NUCB2: variants seen among roughly 807,000 people sequenced by gnomAD.
NUCB2 encodes nucleobindin-2.
NUCB2 carries 48 observed loss-of-function variants against 57.9 expected under a neutral mutation model. The ratio of observed to expected loss-of-function variants is 0.83; its 90% CI spans 0.66 to 1.05. The LOEUF is 1.05. NUCB2 is among the 50% of genes least tolerant of loss of function. The pLI, the probability that NUCB2 is intolerant of heterozygous loss-of-function variation, is 0.00. For missense variants in NUCB2, 442 were observed against 476.2 expected (o/e 0.93, Z 0.67); for synonymous variants, 139 against 152.1 (o/e 0.91, Z 0.64).
chr11:17,342,822 A>G lies in NUCB2; in HGVS notation n.2626+5288A>G, dbSNP rs1320965383. ...GGGGTGGAGAGTTCTGTAGATGTCT[A>G]TTAGGTCTGCTTGGTGCAGAGCTGA... On this transcript the variant is annotated intron_variant and non_coding_transcript_variant, in intron 2 of 2. Transcript: ENST00000532240. 4.8e-4 allele frequency among the ~76,000 whole-genome samples: 73 copies of G among 151,986 alleles called. 1 individual carries two copies. The highest frequency in any genetic ancestry group is 9.6e-4 in the Non-Finnish European group (65 of 67,958).
At chr11:17,297,421 G>A (rs893676738) in intron 4 of NUCB2, among the ~76,000 whole-genome samples, 8 of 151,984 alleles carry the variant, frequency 5.3e-5, no homozygotes, top group Admixed American at 2.0e-4. Context: ...CTCTCCTCTT[G>A]GAAGTTGTGA....
intron 1 of NUCB2, among the ~76,000 whole-genome samples, chr11:17,282,578 C>T (rs920339292): frequency 2.0e-5 from 3 of 151,796 alleles, no homozygotes; most frequent in Admixed American, 6.6e-5. Flanking sequence ...TTGTTTATTC[C>T]GGTTTTTGAT....
At chr11:17,322,824 A>T (rs1192925831) in intron 11 of NUCB2, among the ~76,000 whole-genome samples, 1 of 151,938 alleles carries the variant, frequency 6.6e-6, no homozygotes, top group Admixed American at 6.6e-5. Context: ...CTAGGTATTT[A>T]ATTTTATTTG....
downstream of NUCB2, among the ~76,000 whole-genome samples, chr11:17,336,753 CAAAAAAAAAAAAAAAA>C (rs71047542): frequency 2.1e-5 from 1 of 47,416 alleles, no homozygotes; most frequent in Admixed American, 4.1e-4. Flanking sequence ...GACTCCGTCT[CAAAAAAAAAAAAAAAA>C]AAAAAAAAAA....
At chr11:17,304,195 T>A (rs2138702698) in intron 5 of NUCB2, among the ~76,000 whole-genome samples, 1 of 151,916 alleles carries the variant, frequency 6.6e-6, no homozygotes, top group South Asian at 2.1e-4. Flanking sequence ...TTTTTAATTT[T>A]AATTTTTTTT....
chr11:17,319,189 C>T (rs1949689546), intron 11 of NUCB2, among the ~76,000 whole-genome samples: 2 of 151,974 alleles, frequency 1.3e-5, no homozygotes, highest in Non-Finnish European at 2.9e-5. Flanking sequence ...CTATTCCTTC[C>T]CCTCGACCTT....
intron 10 of NUCB2, among the ~76,000 whole-genome samples, chr11:17,314,480 T>A (rs1591466933): frequency 1.3e-5 from 2 of 152,322 alleles, no homozygotes; most frequent in East Asian, 3.9e-4. Context: ...CCTTCTGATG[T>A]TTACCTCTCA....
chr11:17,310,494 G>A (rs924606799), intron 6 of NUCB2, among the ~76,000 whole-genome samples: 7 of 152,038 alleles, frequency 4.6e-5, no homozygotes, highest in East Asian at 1.9e-4. Flanking sequence ...AATATTAGCC[G>A]GGAGTGGTGG....
rs1290958369 is a variant in NUCB2 at position 17,288,961 on chromosome 11, A to ATTTTTT, written c.-1+6019_-1+6020insTTTTTT. Reference sequence around the variant, plus strand: ...CACACACACACACACATATATATATATATTTTTTTTTTTTGAGATGGAGTT... The same window carrying ATTTTTT: ...CACACACACACACACATATATATATATTTTTTTATTTTTTTTTTTTGAGATGGAGTT... On this transcript the variant is annotated intron_variant, in intron 2 of 13. Coordinates refer to ENST00000529010, the MANE Select transcript of NUCB2 (RefSeq NM_005013.4). Among the ~76,000 whole-genome samples the ATTTTTT allele has an allele frequency of 1.4e-4, 8 of 56,404 alleles. 1 individual carries two copies. The highest frequency in any genetic ancestry group is 7.3e-4 in the Admixed American group (3 of 4,120). 37.0% of individuals were successfully genotyped at this position (56,404 alleles called of 152,430 possible).
intron 2 of NUCB2, among the ~76,000 whole-genome samples, chr11:17,347,116 A>G (rs1223561983): frequency 6.6e-6 from 1 of 152,236 alleles, no homozygotes; most frequent in East Asian, 1.9e-4. Flanking sequence ...CAATCAATAT[A>G]TGTAAGAAGT....
At chr11:17,297,532 G>C (rs1400276340) in intron 4 of NUCB2, among the ~76,000 whole-genome samples, 1 of 152,106 alleles carries the variant, frequency 6.6e-6, no homozygotes, top group Non-Finnish European at 1.5e-5. Context: ...TCGATCTGTG[G>C]AACAAGTTTC....
intron 11 of NUCB2, among the ~76,000 whole-genome samples, chr11:17,319,185 C>A (rs1433298232): frequency 6.6e-6 from 1 of 152,116 alleles, no homozygotes; most frequent in Admixed American, 6.6e-5. Flanking sequence ...AAAACTATTC[C>A]TTCCCCTCGA....
intron 1 of NUCB2, among the ~76,000 whole-genome samples, chr11:17,279,348 C>T (rs560860502): frequency 5.3e-5 from 8 of 152,192 alleles, no homozygotes; most frequent in Non-Finnish European, 8.8e-5. Flanking sequence ...GATTCCAGTA[C>T]GGGCTCTGCC....
chr11:17,328,563 C>T (rs1950982321), intron 11 of NUCB2, among the ~76,000 whole-genome samples: 1 of 152,196 alleles, frequency 6.6e-6, no homozygotes, highest in African/African-American at 2.4e-5. Context: ...GCAGAGGACC[C>T]TCTCCCTGTG....
chr11:17,340,865 A>C (rs1952203221), intron 2 of NUCB2, among the ~76,000 whole-genome samples: 1 of 152,158 alleles, frequency 6.6e-6, no homozygotes, highest in South Asian at 2.1e-4. Flanking sequence ...GAAGAAAGGC[A>C]TTGGTAGCTT....
intron 5 of NUCB2, among the ~76,000 whole-genome samples, chr11:17,307,293 TC>T (rs1227575268): frequency 4.6e-5 from 7 of 151,930 alleles, no homozygotes; most frequent in Non-Finnish European, 8.8e-5. Flanking sequence ...CCTAACACCA[TC>T]CTCCTTGGGT....
intron 4 of NUCB2, among the ~76,000 whole-genome samples, chr11:17,297,311 T>C (rs921942099): frequency 6.6e-6 from 1 of 152,156 alleles, no homozygotes; most frequent in Admixed American, 6.6e-5. Flanking sequence ...AAACAAACCT[T>C]TTATTTTAGT....
chr11:17,343,873 C>A (rs1952498270), intron 2 of NUCB2, among the ~76,000 whole-genome samples: 3 of 151,906 alleles, frequency 2.0e-5, no homozygotes, highest in Admixed American at 2.0e-4. Context: ...AGTCCTAATC[C>A]CATATCATTT....
chr11:17,348,756 A>G (rs956714440), intron 2 of NUCB2, among the ~76,000 whole-genome samples: 1 of 150,920 alleles, frequency 6.6e-6, no homozygotes, highest in East Asian at 2.0e-4. Context: ...GAAATGTCCC[A>G]TTCCTTTAAT....
Sources: gnomAD v4.1 joint callset for allele counts (sites outside exome capture counted in the v4.1 genomes callset) on GRCh38, gnomAD v4.1.1 for gene constraint, MANE v1.5 for transcripts, NCBI Gene and HGNC (gene_info 2026-07-23, HGNC 2026-07-21) for gene names.